Variants in CMYA5 observed in about 807,000 individuals in gnomAD.
The protein encoded by CMYA5 is cardiomyopathy associated 5, also known as cardiomyopathy-associated protein 5.
A neutral mutation model predicts 318.9 loss-of-function variants in CMYA5; 246 were observed. The ratio of observed to expected loss-of-function variants is 0.77; its 90% CI spans 0.70 to 0.86. The LOEUF (loss-of-function observed/expected upper bound fraction) is 0.86. CMYA5 is among the 40% of genes least tolerant of loss of function. The pLI is 0.00. For missense variants in CMYA5, 4,589 were observed against 4,678.2 expected (o/e 0.98, Z 0.56); for synonymous variants, 1,641 against 1,729.5 (o/e 0.95, Z 1.27).
chr5:79,786,803 C>G (rs1170007621), intron 9 of CMYA5, among the ~76,000 whole-genome samples: 1 of 152,070 alleles, frequency 6.6e-6, no homozygotes, highest in Non-Finnish European at 1.5e-5. Flanking sequence ...TTGCTTTGTT[C>G]TTGGTGCTTG....
At chr5:79,788,466 AT>A (rs3061542) in intron 9 of CMYA5, among the ~76,000 whole-genome samples, 40,077 of 139,510 alleles carry the variant, frequency 0.29, 5,695 homozygotes, top group African/African-American at 0.4. Context: ...AACTTTGAGA[AT>A]TTTTTTTTTT....
At position 79,799,476 on chromosome 5, in the gene CMYA5, A is replaced by G. The variant is rs115059007; in HGVS notation, c.12070A>G (p.Asn4024Asp). ...CAACAACCAGAGACTTATCTTCATC[A>G]ACGCAGAGAGCGAGCAGTTGCTCTT... ...DYNNQRLIFI[N>D]AESEQLLFII... Residue 4024 changes from asparagine to aspartate, a missense_variant, in exon 13 of 13, where the codon AAC (asparagine) becomes GAC (aspartate). Around this residue, in one of 3 missense-constraint regions of CMYA5, gnomAD observed 2,431 missense variants for 2,495.1 expected, o/e 0.97. Coordinates refer to ENST00000446378, the MANE Select transcript of CMYA5 (RefSeq NM_153610.5). 29,988 of 1,613,992 alleles carry G rather than the reference A, an allele frequency of 0.019. 340 individuals are homozygous for G. The highest frequency in any genetic ancestry group is 0.03 in the Middle Eastern group (179 of 6,060).
chr5:79,759,806 A>T (rs1828610245), intron 7 of CMYA5, among the ~76,000 whole-genome samples: 1 of 152,138 alleles, frequency 6.6e-6, no homozygotes, highest in African/African-American at 2.4e-5. Flanking sequence ...TTGAAATGTC[A>T]TGTGATAATT....
rs201429642 is a variant in CMYA5 at position 79,730,502 on chromosome 5, G to T, written c.1737G>T (p.Glu579Asp). 1 of 1,613,900 alleles carries T rather than the reference G, an allele frequency of 6.2e-7. No individual in the cohort carries two copies. The highest frequency in any genetic ancestry group is 1.1e-5 in the South Asian group (1 of 91,056). ...ASSPEHVALSEEEREEIASVS... is the reference protein window; with the variant it reads ...ASSPEHVALSDEEREEIASVS... ...CTCCTGAACATGTTGCTTTGTCTGA[G>T]GAAGAAAGAGAGGAAATTGCATCTG... Residue 579 changes from glutamate (E) to aspartate (D), a missense_variant, in exon 2 of 13, where the codon GAG becomes GAT. Glu to Asp is a conservative substitution (Grantham distance 45). Coordinates refer to ENST00000446378, the MANE Select transcript of CMYA5 (RefSeq NM_153610.5).
At chr5:79,769,817 G>A (rs549541687) in intron 9 of CMYA5, among the ~76,000 whole-genome samples, 111 of 152,350 alleles carry the variant, frequency 7.3e-4, no homozygotes, top group South Asian at 5.4e-3. Flanking sequence ...TCCCTTAGCA[G>A]AGCTTGAGTG....
rs146631524 is a variant in CMYA5, at chr5:79,731,641, C to T, written c.2876C>T (p.Pro959Leu). 3.5e-4 allele frequency: 565 copies of T among 1,613,808 alleles called. 3 individuals are homozygous for T. In the African/African-American group the frequency reaches 5.7e-3, roughly 16 times the overall value. Residue 959 changes from proline (P) to leucine (L), a missense_variant, in exon 2 of 13, where the codon CCG becomes CTG. Physicochemically the swap from Pro to Leu is moderately conservative, Grantham distance 98. Around this residue, in one of 3 missense-constraint regions of CMYA5, gnomAD observed 2,132 missense variants for 2,131.3 expected, o/e 1.00. Coordinates refer to ENST00000446378, the MANE Select transcript of CMYA5 (RefSeq NM_153610.5). ...SAFVSEFSFP[P>L]YATQEAEKRE... ...TTTGTGTCAGAATTCTCATTTCCACCGTATGCAACCCAGGAAGCAGAGAAA... is the reference window on the plus strand; with the variant it reads ...TTTGTGTCAGAATTCTCATTTCCACTGTATGCAACCCAGGAAGCAGAGAAA...
Position 79,734,254 on chromosome 5 carries a change from C to G in CMYA5, c.5489C>G (p.Ser1830Ter). The change falls in exon 2 of 13, where the codon TCA becomes TGA. Residue 1830 changes from serine (S) to a stop codon, truncating the protein, a stop_gained. Transcript: ENST00000446378. LOFTEE classifies it high-confidence loss of function. ...EQKKTEKALH[S>*]DQTVKLPDVS... ...AAAAAGACAGAAAAAGCACTTCATT[C>G]AGATCAAACTGTTAAATTACCTGAT... The G allele has an allele frequency of 6.2e-7, 1 of 1,613,598 alleles. No individual in the cohort carries two copies. The highest frequency in any genetic ancestry group is 8.5e-7 in the Non-Finnish European group (1 of 1,179,754).
At chr5:79,696,599 A>T (rs1321207428) in intron 1 of CMYA5, among the ~76,000 whole-genome samples, 4 of 152,266 alleles carry the variant, frequency 2.6e-5, no homozygotes, top group African/African-American at 9.6e-5. Flanking sequence ...TTTTGATTTT[A>T]AAAAACTTTT....
intron 1 of CMYA5, among the ~76,000 whole-genome samples, chr5:79,706,929 T>C (rs1827285428): frequency 6.6e-6 from 1 of 152,212 alleles, no homozygotes; most frequent in African/African-American, 2.4e-5. Context: ...ATGCTATTCT[T>C]CAGCCAGCAC....
chr5:79,762,259 C>T (rs754937333), intron 8 of CMYA5: 38 of 280,458 alleles, frequency 1.4e-4, no homozygotes, highest in African/African-American at 1.9e-4. Context: ...GGGGCAGGAT[C>T]GGAACTGCTT....
intron 1 of CMYA5, among the ~76,000 whole-genome samples, chr5:79,706,620 A>G (rs111227077): frequency 0.097 from 14,778 of 151,996 alleles, 747 homozygotes; most frequent in East Asian, 0.16. Context: ...GCTCTCCACA[A>G]GGGTCTCATT....
At chr5:79,726,037 A>G (rs537281700) in intron 1 of CMYA5, among the ~76,000 whole-genome samples, 5 of 152,354 alleles carry the variant, frequency 3.3e-5, no homozygotes, top group African/African-American at 9.6e-5. Context: ...TTTGAACTCA[A>G]TGAAAGTTTA....
At chr5:79,771,181 A>G (rs1428716618) in intron 9 of CMYA5, among the ~76,000 whole-genome samples, 1 of 152,196 alleles carries the variant, frequency 6.6e-6, no homozygotes, top group Non-Finnish European at 1.5e-5. Flanking sequence ...CTCTTAAGAT[A>G]AAACAGACAC....
chr5:79,788,710 T>G (rs1174324261), intron 9 of CMYA5, among the ~76,000 whole-genome samples: 1 of 152,150 alleles, frequency 6.6e-6, no homozygotes, highest in Non-Finnish European at 1.5e-5. Flanking sequence ...AAGAGTAGTC[T>G]GTTTTCTGAA....
chr5:79,717,865 G>A (rs980386138), intron 1 of CMYA5, among the ~76,000 whole-genome samples: 9 of 150,206 alleles, frequency 6.0e-5, no homozygotes, highest in African/African-American at 2.2e-4. Flanking sequence ...TGGCATAAAA[G>A]TTCCTTTTAA....
rs765269247 is a variant in CMYA5, at chr5:79,735,479, A to T, written c.6714A>T (p.Leu2238Phe). 1 of 1,613,844 alleles carries T rather than the reference A, an allele frequency of 6.2e-7. No homozygotes were observed. Among genetic ancestry groups the T allele is most frequent in the East Asian group, 2.2e-5 (1 of 44,880 alleles). ...NVAEKPADHSLSEVKLKTADE... is the reference protein window; with the variant it reads ...NVAEKPADHSFSEVKLKTADE... ...CTGAGAAACCAGCTGATCATTCATTATCAGAGGTAAAACTTAAAACTGCTG... is the reference window on the plus strand; with the variant it reads ...CTGAGAAACCAGCTGATCATTCATTTTCAGAGGTAAAACTTAAAACTGCTG... The change falls in exon 2 of 13, where the codon TTA becomes TTT. Residue 2238 changes from leucine (L) to phenylalanine (F), a missense_variant. Leu to Phe is a conservative substitution (Grantham distance 22). This residue lies in a region of CMYA5 where 2,431 missense variants were observed against 2,495.1 expected (regional missense o/e 0.97). Transcript: ENST00000446378.
In CMYA5 at chr5:79,752,705, C is replaced by CT. The variant is rs772692185; in HGVS notation, c.11024dup (p.Leu3675PhefsTer15). On this transcript the variant is annotated frameshift_variant, in exon 6 of 13. Transcript: ENST00000446378. LOFTEE classifies it high-confidence loss of function. ...CTTTCTGCAATGGAGAGCACTGCTT[C>CT]TTTAGAGAAAATGCCTGCTGCGTTT... The CT allele has an allele frequency of 6.2e-7, 1 of 1,613,536 alleles. No individual in the cohort carries two copies. Among genetic ancestry groups the CT allele is most frequent in the Admixed American group, 1.7e-5 (1 of 59,996 alleles).
At position 79,729,600 on chromosome 5, in the gene CMYA5, A is replaced by G; in HGVS notation, c.835A>G (p.Asn279Asp). 1.2e-6 allele frequency: 2 copies of G among 1,613,416 alleles called. No individual in the cohort carries two copies. Among genetic ancestry groups the G allele is most frequent in the South Asian group, 1.1e-5 (1 of 91,068 alleles). Residue 279 changes from asparagine to aspartate, a missense_variant, in exon 2 of 13, where the codon AAT becomes GAT. Physicochemically the swap from Asn to Asp is conservative, Grantham distance 23. Coordinates refer to ENST00000446378, the MANE Select transcript of CMYA5 (RefSeq NM_153610.5). ...GCCAGATTTGGACAATAGTGGTTCTAATACAGTGTCCAAAACACGCAAATT... is the reference window on the plus strand; with the variant it reads ...GCCAGATTTGGACAATAGTGGTTCTGATACAGTGTCCAAAACACGCAAATT... The part of the protein sequence containing the change: ...LEPDLDNSGS[N>D]TVSKTRKLVA...
chr5:79,738,411 A>C lies in CMYA5; in HGVS notation c.9646A>C (p.Ser3216Arg). 6.2e-7 allele frequency: 1 copy of C among 1,613,842 alleles called. No homozygotes were observed. Among genetic ancestry groups the C allele is most frequent in the Non-Finnish European group, 8.5e-7 (1 of 1,179,858 alleles). ...AGAGGAGACAGCTTCTGAAGGTGAC[A>C]GTGTGAATTCTGAGGCATCATTTCC... ...KEEETASEGD[S>R]VNSEASFPSR... Residue 3216 changes from serine to arginine, a missense_variant, in exon 2 of 13, where the codon AGT becomes CGT. Transcript: ENST00000446378.
Sources: allele counts gnomAD v4.1 joint callset (sites outside exome capture counted in the v4.1 genomes callset), GRCh38; gene constraint gnomAD v4.1.1; regional missense constraint gnomAD v4.1.1; transcripts MANE v1.5; gene names NCBI Gene and HGNC (gene_info 2026-07-23, HGNC 2026-07-21).